The following SUPT3H variants were observed in gnomAD, a reference collection of about 807,000 sequenced individuals.
SUPT3H encodes the protein SPT3 homolog, SAGA and STAGA complex component.
SUPT3H carries 44 observed loss-of-function variants against 44.3 expected under a neutral mutation model. The observed-to-expected ratio is 0.99, with a 90% CI of 0.78 to 1.28. SUPT3H has a LOEUF of 1.28. Ranked by LOEUF, SUPT3H falls within the 50% of genes most tolerant of loss-of-function variation. The pLI is 0.00. For missense variants in SUPT3H, 380 were observed against 387.1 expected (o/e 0.98, Z 0.15); for synonymous variants, 124 against 125.6 (o/e 0.99, Z 0.09).
chr6:44,886,525 G>A (rs1266931101), intron 10 of SUPT3H, among the ~76,000 whole-genome samples: 1 of 152,074 alleles, frequency 6.6e-6, no homozygotes, highest in Non-Finnish European at 1.5e-5. Flanking sequence ...CTAAGCTTCA[G>A]AAGTGAAGGA....
At chr6:45,176,768 C>A (rs1348080104) in intron 2 of SUPT3H, among the ~76,000 whole-genome samples, 2 of 152,220 alleles carry the variant, frequency 1.3e-5, no homozygotes, top group Non-Finnish European at 2.9e-5. Context: ...TCCCTGACCC[C>A]TGACCCCCGA....
chr6:45,339,589 A>T (rs961872966), intron 2 of SUPT3H, among the ~76,000 whole-genome samples: 5 of 152,088 alleles, frequency 3.3e-5, no homozygotes, highest in Non-Finnish European at 7.4e-5. Flanking sequence ...TGTGTTTAAC[A>T]AGCTATATTA....
chr6:45,240,356 C>T (rs527384599), intron 2 of SUPT3H, among the ~76,000 whole-genome samples: 10 of 152,262 alleles, frequency 6.6e-5, no homozygotes, highest in East Asian at 3.9e-4. Context: ...CCTTCAACAA[C>T]GGCTGACACA....
intron 3 of SUPT3H, among the ~76,000 whole-genome samples, chr6:45,105,300 G>C (rs1286153980): frequency 6.6e-6 from 1 of 152,078 alleles, no homozygotes; most frequent in African/African-American, 2.4e-5. Context: ...ATCTTACAAG[G>C]ATTAGAAGGC....
At chr6:45,042,693 T>A (rs2153530841) in intron 3 of SUPT3H, among the ~76,000 whole-genome samples, 1 of 152,270 alleles carries the variant, frequency 6.6e-6, no homozygotes, top group South Asian at 2.1e-4. Flanking sequence ...GTGTGGCGAT[T>A]CCTCAGGGAT....
chr6:45,100,555 A>AAAAAAAAAAAAAAAAAAAAC, intron 3 of SUPT3H, among the ~76,000 whole-genome samples: 2 of 149,010 alleles, frequency 1.3e-5, no homozygotes, highest in African/African-American at 2.5e-5. Flanking sequence ...AAAAAAAAAA[A>AAAAAAAAAAAAAAAAAAAAC]AAAAAAAAAG....
chr6:45,189,196 A>C (rs10948212), intron 2 of SUPT3H, among the ~76,000 whole-genome samples: 33,374 of 152,150 alleles, frequency 0.22, 4,476 homozygotes, highest in Non-Finnish European at 0.31. Context: ...TATATTGGGC[A>C]AAAGCAACTT....
intron 10 of SUPT3H, among the ~76,000 whole-genome samples, chr6:44,883,541 T>C (rs1176821315): frequency 6.6e-6 from 1 of 152,078 alleles, no homozygotes; most frequent in Non-Finnish European, 1.5e-5. Context: ...AAATTTCATA[T>C]GGAATCAAAA....
At chr6:45,193,928 T>C (rs1400911501) in intron 2 of SUPT3H, among the ~76,000 whole-genome samples, 1 of 152,208 alleles carries the variant, frequency 6.6e-6, no homozygotes, top group Non-Finnish European at 1.5e-5. Flanking sequence ...CTATTTAAAA[T>C]GTGTCTTAGT....
At chr6:45,266,175 GA>G (rs1489496131) in intron 2 of SUPT3H, among the ~76,000 whole-genome samples, 12 of 149,490 alleles carry the variant, frequency 8.0e-5, no homozygotes, top group African/African-American at 2.0e-4. Context: ...TTTTTTTTAA[GA>G]AAGAGAAAAG....
At chr6:44,944,042 A>G (rs542882282) in intron 9 of SUPT3H, among the ~76,000 whole-genome samples, 15 of 152,158 alleles carry the variant, frequency 9.9e-5, no homozygotes, top group African/African-American at 3.6e-4. Flanking sequence ...TTTTTCTCTT[A>G]GTTTCATTAA....
At chr6:44,850,221 C>G (rs897795374) in intron 10 of SUPT3H, among the ~76,000 whole-genome samples, 1 of 152,098 alleles carries the variant, frequency 6.6e-6, no homozygotes. Flanking sequence ...TTTAAGGAGG[C>G]CTAAGGGACA....
At chr6:44,835,015 A>C (rs1769561456) in intron 10 of SUPT3H, among the ~76,000 whole-genome samples, 1 of 152,140 alleles carries the variant, frequency 6.6e-6, no homozygotes, top group South Asian at 2.1e-4. Context: ...CTGGAGAATC[A>C]CTTAATTTTC....
intron 10 of SUPT3H, among the ~76,000 whole-genome samples, chr6:44,842,615 T>G (rs1420050639): frequency 1.3e-5 from 2 of 152,026 alleles, no homozygotes; most frequent in Admixed American, 1.3e-4. Flanking sequence ...TATACCTATT[T>G]TTTTTTAAAA....
chr6:44,836,050 T>C (rs1417523473), intron 10 of SUPT3H, among the ~76,000 whole-genome samples: 5 of 152,194 alleles, frequency 3.3e-5, no homozygotes, highest in African/African-American at 1.2e-4. Flanking sequence ...TTTTAAAAGA[T>C]AAAATATGCC....
chr6:45,363,890 TA>T (rs1419732915), intron 2 of SUPT3H, among the ~76,000 whole-genome samples: 3 of 151,886 alleles, frequency 2.0e-5, no homozygotes, highest in Non-Finnish European at 4.4e-5. Flanking sequence ...AGTTAATGCA[TA>T]AATTTCTTTC....
At chr6:44,842,304 T>C (rs1771071917) in intron 10 of SUPT3H, among the ~76,000 whole-genome samples, 1 of 152,220 alleles carries the variant, frequency 6.6e-6, no homozygotes, top group African/African-American at 2.4e-5. Flanking sequence ...CACTTTGGGC[T>C]GGGGGTGGGC....
intron 2 of SUPT3H, among the ~76,000 whole-genome samples, chr6:45,295,601 A>T (rs1781061520): frequency 6.6e-6 from 1 of 151,760 alleles, no homozygotes; most frequent in Non-Finnish European, 1.5e-5. Flanking sequence ...AATCTTCACA[A>T]TCTATACATC....
At chr6:44,839,481 A>AT (rs907354469) in intron 10 of SUPT3H, among the ~76,000 whole-genome samples, 11 of 150,130 alleles carry the variant, frequency 7.3e-5, no homozygotes, top group Admixed American at 4.0e-4. Context: ...AATTAAAAAA[A>AT]TTTTTTTTAG....
Sources: allele counts gnomAD v4.1 joint callset (sites outside exome capture counted in the v4.1 genomes callset), GRCh38; gene constraint gnomAD v4.1.1; transcripts MANE v1.5; gene names NCBI Gene and HGNC (gene_info 2026-07-23, HGNC 2026-07-21).